Variants in ERO1B observed in about 807,000 individuals in gnomAD.
The protein encoded by ERO1B is endoplasmic reticulum oxidoreductase 1 beta.
Under a neutral mutation model 75.3 loss-of-function variants are expected in ERO1B, and 49 were observed. That is an observed-to-expected ratio of 0.65 (90% CI 0.52 to 0.83). ERO1B has a LOEUF of 0.83. ERO1B is among the 40% of genes least tolerant of loss of function. ERO1B has a pLI of 0.00. For missense variants in ERO1B, 512 were observed against 560.1 expected (o/e 0.91, Z 0.87); for synonymous variants, 191 against 192.9 (o/e 0.99, Z 0.08).
At chr1:236,237,180 C>T (rs1029482248) in intron 6 of ERO1B, among the ~76,000 whole-genome samples, 15 of 131,164 alleles carry the variant, frequency 1.1e-4, no homozygotes, top group East Asian at 4.6e-4. Flanking sequence ...AGTGCAGTGG[C>T]GCAATCTCAG....
In ERO1B at chr1:236,216,407, A is replaced by T. The variant is rs1325228586; in HGVS notation, c.*2109T>A. 3 of 152,164 alleles carry T rather than the reference A, an allele frequency of 2.0e-5. No individual in the cohort carries two copies. Among genetic ancestry groups the T allele is most frequent in the African/African-American group, 7.2e-5 (3 of 41,458 alleles). The allele number at this position is 152,164 out of a possible 1,614,324, so 9.4% of individuals were successfully genotyped here. A position where few individuals can be genotyped will look rare whatever the true frequency, so the allele number is the denominator to read the frequency against. On this transcript the variant is annotated 3_prime_UTR_variant, in exon 16 of 16. Transcript: ENST00000354619. ...GCTCACACAATCATTTAAGAAATAA[A>T]AACACATACACAAAAATGTAGGCTG...
intron 15 of ERO1B, among the ~76,000 whole-genome samples, chr1:236,219,495 T>A (rs866580832): frequency 7.2e-5 from 11 of 152,238 alleles, no homozygotes; most frequent in African/African-American, 2.7e-4. Context: ...CTTTCTCAAT[T>A]TAATTTGGAC....
At chr1:236,218,597 T>A (rs1615601) in intron 15 of ERO1B, 21 bp from the exon 16 acceptor site, 521,054 of 1,272,664 alleles carry the variant, frequency 0.41, 117,983 homozygotes, top group East Asian at 0.88. Flanking sequence ...AAGAAAAAGC[T>A]TATTAGTAAG....
chr1:236,229,525 A>G (rs1451858638), intron 10 of ERO1B, among the ~76,000 whole-genome samples: 3 of 152,162 alleles, frequency 2.0e-5, no homozygotes. Context: ...GGTTATGGCT[A>G]TGAAATATCA....
At chr1:236,230,370 G>C in intron 9 of ERO1B, 120 bp from the exon 10 acceptor site, 1 of 759,284 alleles carries the variant, frequency 1.3e-6, no homozygotes, top group Non-Finnish European at 2.2e-6. Flanking sequence ...CTAGCACTTT[G>C]GGAGGCCGAG....
At chr1:236,234,388 G>A (rs1664487438) in intron 8 of ERO1B, among the ~76,000 whole-genome samples, 3 of 152,160 alleles carry the variant, frequency 2.0e-5, no homozygotes, top group Admixed American at 2.0e-4. Flanking sequence ...GTATTAAGTG[G>A]CTGTAGAAAA....
intron 9 of ERO1B, among the ~76,000 whole-genome samples, chr1:236,230,679 C>T (rs1664386184): frequency 6.7e-6 from 1 of 148,758 alleles, no homozygotes; most frequent in African/African-American, 2.5e-5. Context: ...TCTACTGCTT[C>T]AGGTAAAATA....
chr1:236,279,358 C>T (rs1665772132), intron 1 of ERO1B, among the ~76,000 whole-genome samples: 2 of 151,366 alleles, frequency 1.3e-5, no homozygotes, highest in Non-Finnish European at 2.9e-5. Context: ...ACAAAATTAG[C>T]CGTGTGTGGT....
At chr1:236,273,010 C>G (rs762404145) in intron 1 of ERO1B, among the ~76,000 whole-genome samples, 39 of 152,108 alleles carry the variant, frequency 2.6e-4, no homozygotes, top group African/African-American at 8.9e-4. Flanking sequence ...TGCCCCACCC[C>G]CAAGATGTCC....
intron 4 of ERO1B, among the ~76,000 whole-genome samples, chr1:236,251,157 GA>G (rs67744914): frequency 0.053 from 7,964 of 151,072 alleles, 570 homozygotes; most frequent in East Asian, 0.39. Flanking sequence ...AGCACAAACT[GA>G]AAAAAAGTTT....
intron 1 of ERO1B, among the ~76,000 whole-genome samples, chr1:236,273,290 T>C (rs969128405): frequency 1.3e-5 from 2 of 152,128 alleles, no homozygotes; most frequent in South Asian, 2.1e-4. Flanking sequence ...CAGAAGGAAA[T>C]GCAACCTTGC....
At chr1:236,258,200 AG>A (rs1295988214) in intron 2 of ERO1B, among the ~76,000 whole-genome samples, 1 of 151,102 alleles carries the variant, frequency 6.6e-6, no homozygotes, top group African/African-American at 2.4e-5. Context: ...AAAACTTGAT[AG>A]GAGGAATCCG....
In ERO1B at chr1:236,224,418, C is replaced by T. The variant is rs776962338; in HGVS notation, c.1122+652G>A. ...ACAGCTCAGGGCCAGGAGTTTGAGACCAGCCTGGGCAACATAGCGAGACCC... is the reference window on the plus strand; with the variant it reads ...ACAGCTCAGGGCCAGGAGTTTGAGATCAGCCTGGGCAACATAGCGAGACCC... On this transcript the variant is annotated intron_variant, in intron 13 of 15. Coordinates refer to ENST00000354619, the MANE Select transcript of ERO1B (RefSeq NM_019891.4). Among the ~76,000 whole-genome samples, 6 of 150,958 alleles carry T rather than the reference C, an allele frequency of 4.0e-5. No individual in the cohort carries two copies. The East Asian group carries it at 1.2e-3, about 29-fold the overall frequency.
At chr1:236,232,942 A>G (rs1664449488) in intron 8 of ERO1B, 103 bp from the exon 9 acceptor site, 1 of 980,354 alleles carries the variant, frequency 1.0e-6, no homozygotes, top group Admixed American at 2.8e-5. Flanking sequence ...TAATTATATC[A>G]CAAACCTTGG....
At chr1:236,231,784 A>G (rs948536144) in intron 9 of ERO1B, among the ~76,000 whole-genome samples, 5 of 152,160 alleles carry the variant, frequency 3.3e-5, no homozygotes, top group African/African-American at 1.2e-4. Context: ...ACGTCTAACA[A>G]ATTAATTCAT....
At chr1:236,225,497 C>T (rs780176279) in intron 12 of ERO1B, among the ~76,000 whole-genome samples, 6 of 152,146 alleles carry the variant, frequency 3.9e-5, no homozygotes, top group Non-Finnish European at 8.8e-5. Context: ...TCTTTCTCTT[C>T]CAGGCTATTT....
In ERO1B at chr1:236,225,057, G is replaced by A. The variant is rs372734815; in HGVS notation, c.1122+13C>T. On this transcript the variant is annotated intron_variant, in intron 13 of 15. Transcript: ENST00000354619. ...CTGCTCCCAACCCCGTGTCCCAATC[G>A]AGAACTTTTTACCTTTAGTGACTTG... 41 of 1,613,106 alleles carry A rather than the reference G, an allele frequency of 2.5e-5. No homozygotes were observed. The highest frequency in any genetic ancestry group is 3.3e-5 in the Non-Finnish European group (39 of 1,179,264).
intron 1 of ERO1B, among the ~76,000 whole-genome samples, chr1:236,272,199 A>C (rs1665605115): frequency 6.6e-6 from 1 of 152,178 alleles, no homozygotes; most frequent in Non-Finnish European, 1.5e-5. Flanking sequence ...CAATCCCACT[A>C]CCGGGCATCT....
At position 236,268,175 on chromosome 1, in the gene ERO1B, A is replaced by C. The variant is rs2102964682; in HGVS notation, c.222+1700T>G. Among the ~76,000 whole-genome samples the C allele has an allele frequency of 2.0e-5, 3 of 152,348 alleles. No individual in the cohort carries two copies. The Middle Eastern group carries it at 0.01, about 518-fold the overall frequency. On this transcript the variant is annotated intron_variant, in intron 2 of 15. Coordinates refer to ENST00000354619, the MANE Select transcript of ERO1B (RefSeq NM_019891.4). ...AAGAGAGATGTGTTCCCAAATCTTT[A>C]ATTCTCTTATTTGTTATATTTCTGC...
Sources: allele counts gnomAD v4.1 joint callset (sites outside exome capture counted in the v4.1 genomes callset), GRCh38; gene constraint gnomAD v4.1.1; transcripts MANE v1.5; gene names NCBI Gene and HGNC (gene_info 2026-07-23, HGNC 2026-07-21).